PRKG1: variants seen among roughly 807,000 people sequenced by gnomAD.
The protein encoded by PRKG1 is cGMP-dependent protein kinase 1.
In PRKG1, 35 loss-of-function variants were observed where a neutral mutation model predicts 88.1. The ratio of observed to expected loss-of-function variants is 0.40; its 90% CI spans 0.30 to 0.53. The LOEUF (loss-of-function observed/expected upper bound fraction) is 0.53. Among genes scored for constraint, PRKG1 ranks in the 20% least tolerant of loss-of-function variants. PRKG1 has a pLI of 0.59. For synonymous variants in PRKG1, 303 were observed against 292.5 expected (o/e 1.04, Z -0.37); for missense variants, 540 against 839.8 (o/e 0.64, Z 4.41).
At chr10:51,121,721 C>G (rs941545580) in intron 1 of PRKG1, among the ~76,000 whole-genome samples, 4 of 152,122 alleles carry the variant, frequency 2.6e-5, no homozygotes, top group African/African-American at 4.8e-5. Context: ...TGTCAAAACT[C>G]CTTGAGAATA....
At chr10:51,223,334 A>G (rs969225791) in intron 2 of PRKG1, among the ~76,000 whole-genome samples, 1 of 152,180 alleles carries the variant, frequency 6.6e-6, no homozygotes, top group African/African-American at 2.4e-5. Flanking sequence ...CCAGGCAAAA[A>G]GAACCAAGAA....
chr10:51,990,509 A>T (rs540057237), intron 5 of PRKG1, among the ~76,000 whole-genome samples: 1 of 151,958 alleles, frequency 6.6e-6, no homozygotes, highest in East Asian at 1.9e-4. Flanking sequence ...ATTCTTTTTT[A>T]TTATGATTAT....
intron 3 of PRKG1, among the ~76,000 whole-genome samples, chr10:51,612,526 T>C (rs1838938458): frequency 6.6e-6 from 1 of 152,062 alleles, no homozygotes; most frequent in Non-Finnish European, 1.5e-5. Context: ...AAATTTTTTG[T>C]GGAATCTTTT....
chr10:51,646,086 C>T (rs1416249706), intron 3 of PRKG1, among the ~76,000 whole-genome samples: 4 of 152,074 alleles, frequency 2.6e-5, no homozygotes, highest in African/African-American at 9.6e-5. Flanking sequence ...TAGAGTATAG[C>T]AGTAGAATAA....
intron 7 of PRKG1, among the ~76,000 whole-genome samples, chr10:52,103,604 T>A (rs977368566): frequency 4.6e-5 from 7 of 152,148 alleles, no homozygotes; most frequent in Non-Finnish European, 8.8e-5. Flanking sequence ...AACTTTGCTA[T>A]AGGTAAGGCT....
chr10:51,460,229 T>A (rs924850469), intron 2 of PRKG1, among the ~76,000 whole-genome samples: 12 of 152,080 alleles, frequency 7.9e-5, no homozygotes, highest in African/African-American at 2.9e-4. Context: ...TTACATTATA[T>A]TACATACTCA....
At chr10:51,545,265 A>G (rs1195363454) in intron 3 of PRKG1, among the ~76,000 whole-genome samples, 1 of 152,006 alleles carries the variant, frequency 6.6e-6, no homozygotes, top group Admixed American at 6.6e-5. Context: ...AAATTCAACA[A>G]TTTTCTTCAA....
rs200623671 is a variant in PRKG1, at chr10:51,791,028, C to G, written c.593-13557C>G. Among the ~76,000 whole-genome samples the G allele has an allele frequency of 1.4e-4, 22 of 152,166 alleles. No individual in the cohort carries two copies. In the East Asian group the frequency reaches 4.3e-3, roughly 29 times the overall value. On this transcript the variant is annotated intron_variant, in intron 3 of 17. Transcript: ENST00000373980. ...TCTAAATTGAATCTTAATAGGCAAC[C>G]CTATAAGTTCTAATTACTAGTCTTA...
intron 7 of PRKG1, among the ~76,000 whole-genome samples, chr10:52,073,142 T>G (rs1904031): frequency 0.17 from 26,095 of 152,140 alleles, 2,837 homozygotes; most frequent in South Asian, 0.28. Context: ...TGTCACTGTC[T>G]TCACATGGCT....
At chr10:51,426,211 G>A (rs1281421933) in intron 2 of PRKG1, among the ~76,000 whole-genome samples, 7 of 152,136 alleles carry the variant, frequency 4.6e-5, no homozygotes, top group Non-Finnish European at 1.5e-5. Context: ...AACCTGGGAG[G>A]CAGAGGTTGC....
At position 52,271,251 on chromosome 10, in the gene PRKG1, G is replaced by T. The variant is rs1841723402; in HGVS notation, c.1174-99G>T. On this transcript the variant is annotated intron_variant, in intron 10 of 17. Coordinates refer to ENST00000373980, the MANE Select transcript of PRKG1 (RefSeq NM_006258.4). ...GTGTTTTGACTTGGGAGGTGGCTGA[G>T]GTTCATTTAAGTGCGCCATGTACCT... The T allele has an allele frequency of 4.6e-6, 6 of 1,296,880 alleles. No individual in the cohort carries two copies. In the South Asian group the frequency reaches 6.0e-5, roughly 13 times the overall value. The allele number at this position is 1,296,880 out of a possible 1,614,324, so 80.3% of individuals were successfully genotyped here.
In PRKG1 at chr10:51,654,476, G is replaced by T. The variant is rs1441784997; in HGVS notation, c.593-150109G>T. Reference sequence around the variant, plus strand: ...GGTAGTGTGATACCTTCAGCTTAGTGCATTTTGCTGAAGATTCCTTTGGTT... The same window carrying T: ...GGTAGTGTGATACCTTCAGCTTAGTTCATTTTGCTGAAGATTCCTTTGGTT... On this transcript the variant is annotated intron_variant, in intron 3 of 17. Coordinates refer to ENST00000373980, the MANE Select transcript of PRKG1 (RefSeq NM_006258.4). Among the ~76,000 whole-genome samples the T allele has an allele frequency of 2.6e-5, 4 of 152,124 alleles. No individual in the cohort carries two copies. The East Asian group carries it at 7.7e-4, about 29-fold the overall frequency.
rs1157666336 is a variant in PRKG1 at position 51,626,305 on chromosome 10, C to A, written c.592+158469C>A. Reference sequence around the variant, plus strand: ...CATTGAGCATGAAATGTGAAATGTACAATTTTGTTTTAGAAAAACATAGTT... The same window carrying A: ...CATTGAGCATGAAATGTGAAATGTAAAATTTTGTTTTAGAAAAACATAGTT... On this transcript the variant is annotated intron_variant, in intron 3 of 17. Transcript: ENST00000373980. 2.6e-5 allele frequency among the ~76,000 whole-genome samples: 4 copies of A among 152,074 alleles called. No homozygotes were observed. In the East Asian group the frequency reaches 7.7e-4, roughly 29 times the overall value.
chr10:51,140,479 G>T (rs977602061), intron 1 of PRKG1, among the ~76,000 whole-genome samples: 1 of 152,146 alleles, frequency 6.6e-6, no homozygotes. Context: ...GGACCAGCGT[G>T]GTTGTTAAGA....
At chr10:51,351,834 T>C (rs1473328518) in intron 2 of PRKG1, among the ~76,000 whole-genome samples, 1 of 152,188 alleles carries the variant, frequency 6.6e-6, no homozygotes, top group Non-Finnish European at 1.5e-5. Flanking sequence ...ATGTCCTGAA[T>C]GGTATTGCCT....
At chr10:51,609,237 A>G (rs527664287) in intron 3 of PRKG1, among the ~76,000 whole-genome samples, 25 of 152,288 alleles carry the variant, frequency 1.6e-4, no homozygotes, top group African/African-American at 5.3e-4. Context: ...AAAATCTACT[A>G]TATTCATGTC....
At chr10:52,166,668 T>TA (rs1395791589) in intron 9 of PRKG1, among the ~76,000 whole-genome samples, 1 of 144,052 alleles carries the variant, frequency 6.9e-6, no homozygotes, top group African/African-American at 2.7e-5. Flanking sequence ...TCCAGAAATA[T>TA]AAAAAAATTA....
chr10:51,307,830 T>C (rs1841077662), intron 2 of PRKG1, among the ~76,000 whole-genome samples: 1 of 152,156 alleles, frequency 6.6e-6, no homozygotes, highest in Non-Finnish European at 1.5e-5. Context: ...AATTTTTCTG[T>C]GTATTAAGAG....
intron 5 of PRKG1, among the ~76,000 whole-genome samples, chr10:52,014,110 G>T (rs114938267): frequency 1.3e-5 from 2 of 152,154 alleles, no homozygotes; most frequent in Non-Finnish European, 2.9e-5. Context: ...ATTGAAGTAT[G>T]AGGGGACTAG....
Sources: gnomAD v4.1 joint callset for allele counts (sites outside exome capture counted in the v4.1 genomes callset) on GRCh38, gnomAD v4.1.1 for gene constraint, MANE v1.5 for transcripts, NCBI Gene and HGNC (gene_info 2026-07-23, HGNC 2026-07-21) for gene names.